TASP1: variants seen among roughly 807,000 people sequenced by gnomAD.
The protein encoded by TASP1 is taspase 1.
Under a neutral mutation model 56.6 loss-of-function variants are expected in TASP1, and 16 were observed. The observed-to-expected ratio is 0.28, with a 90% CI of 0.19 to 0.43. The LOEUF (loss-of-function observed/expected upper bound fraction) is 0.43, where lower values mean the gene tolerates loss of function less well. TASP1 is among the 20% of genes least tolerant of loss of function. The pLI is 1.00. For missense variants in TASP1, 393 were observed against 511.6 expected (o/e 0.77, Z 2.24); for synonymous variants, 179 against 184.2 (o/e 0.97, Z 0.23).
chr20:13,323,409 T>A, the TASP1 span, among the ~76,000 whole-genome samples: 2 of 152,178 alleles, frequency 1.3e-5, no homozygotes, highest in Non-Finnish European at 2.9e-5. Context: ...GAAAGACTAT[T>A]GAACCGTGGT....
At chr20:13,517,432 A>G (rs1297766961) in intron 10 of TASP1, among the ~76,000 whole-genome samples, 1 of 152,144 alleles carries the variant, frequency 6.6e-6, no homozygotes, top group Non-Finnish European at 1.5e-5. Context: ...AATACATAAA[A>G]ATGTTCATTA....
At chr20:13,561,743 A>G (rs1010979953) in intron 7 of TASP1, among the ~76,000 whole-genome samples, 3 of 152,206 alleles carry the variant, frequency 2.0e-5, no homozygotes, top group African/African-American at 7.2e-5. Flanking sequence ...GGGAAAAGAT[A>G]CAATTTTGCA....
At chr20:13,322,172 A>AC in the TASP1 span, among the ~76,000 whole-genome samples, 1 of 152,212 alleles carries the variant, frequency 6.6e-6, no homozygotes, top group African/African-American at 2.4e-5. Context: ...AAAAGCTGCA[A>AC]CCTAGCCTAG....
intron 13 of TASP1, among the ~76,000 whole-genome samples, chr20:13,403,743 G>C (rs2123668498): frequency 6.6e-6 from 1 of 152,218 alleles, no homozygotes; most frequent in African/African-American, 2.4e-5. Flanking sequence ...AAATTAGCCA[G>C]GTGAGGTGTG....
At chr20:13,610,657 C>T (rs1032500205) in intron 4 of TASP1, among the ~76,000 whole-genome samples, 1 of 152,064 alleles carries the variant, frequency 6.6e-6, no homozygotes, top group Non-Finnish European at 1.5e-5. Context: ...AGTATTATTT[C>T]TTATGCCTGC....
the TASP1 span, among the ~76,000 whole-genome samples, chr20:13,266,142 T>C: frequency 6.6e-6 from 1 of 152,132 alleles, no homozygotes; most frequent in South Asian, 2.1e-4. Flanking sequence ...TCAGATGAAG[T>C]GGATGCTGGG....
intron 10 of TASP1, among the ~76,000 whole-genome samples, chr20:13,525,309 T>G (rs2044931130): frequency 6.6e-6 from 1 of 152,168 alleles, no homozygotes; most frequent in South Asian, 2.1e-4. Context: ...CCACAGCTAG[T>G]GGGTCTGGAA....
rs529542096 is a variant in TASP1 at position 13,541,442 on chromosome 20, G to A, written c.676-7301C>T. On this transcript the variant is annotated intron_variant, in intron 8 of 13. Transcript: ENST00000337743. Reference sequence around the variant, plus strand: ...AGGAGGACTGCATTTAATAAAGTCCGTAAGGGGCATTCTACTTAACACTAC... The same window carrying A: ...AGGAGGACTGCATTTAATAAAGTCCATAAGGGGCATTCTACTTAACACTAC... Among the ~76,000 whole-genome samples the A allele has an allele frequency of 1.8e-4, 28 of 152,234 alleles. 1 individual carries two copies. In the South Asian group the frequency reaches 3.9e-3, roughly 21 times the overall value.
chr20:13,117,647 C>T, the TASP1 span: 2 of 1,614,042 alleles, frequency 1.2e-6, no homozygotes, highest in African/African-American at 2.7e-5. Flanking sequence ...TTGGACTAGA[C>T]CCTCATGAAG....
intron 11 of TASP1, among the ~76,000 whole-genome samples, chr20:13,440,399 C>T (rs2043172230): frequency 1.3e-5 from 2 of 152,046 alleles, no homozygotes; most frequent in Admixed American, 1.3e-4. Context: ...AGCTATGCAT[C>T]AAGCTGAGAG....
the TASP1 span, among the ~76,000 whole-genome samples, chr20:13,281,948 C>A: frequency 1.3e-5 from 2 of 152,122 alleles, no homozygotes; most frequent in Non-Finnish European, 2.9e-5. Context: ...CAAAGTGTGG[C>A]CCCCAGAACC....
intron 11 of TASP1, among the ~76,000 whole-genome samples, chr20:13,458,495 C>T (rs560671705): frequency 2.2e-4 from 34 of 151,770 alleles, no homozygotes; most frequent in African/African-American, 7.5e-4. Flanking sequence ...TTACAGGTGC[C>T]CCCCACCATG....
chr20:13,536,525 A>G (rs931188181), intron 8 of TASP1, among the ~76,000 whole-genome samples: 7 of 152,202 alleles, frequency 4.6e-5, no homozygotes, highest in African/African-American at 1.7e-4. Flanking sequence ...ACTGTAAAAT[A>G]ACTTTCCTCA....
At chr20:13,237,139 C>T in the TASP1 span, among the ~76,000 whole-genome samples, 2 of 152,178 alleles carry the variant, frequency 1.3e-5, no homozygotes, top group African/African-American at 2.4e-5. Context: ...GAAGTCCCTC[C>T]CACAACACAT....
At chr20:13,540,235 A>C (rs1344655866) in intron 8 of TASP1, among the ~76,000 whole-genome samples, 1 of 152,188 alleles carries the variant, frequency 6.6e-6, no homozygotes, top group Admixed American at 6.5e-5. Context: ...AACACATCTC[A>C]AGGACTTCAA....
chr20:13,629,827 G>T, intron 2 of TASP1, 107 bp downstream of exon 2: 2 of 1,516,112 alleles, frequency 1.3e-6, no homozygotes, highest in Non-Finnish European at 1.8e-6. Flanking sequence ...ATTCCTCTCT[G>T]GCAGTTTTGC....
At chr20:13,590,516 C>T (rs1409125385) in intron 4 of TASP1, among the ~76,000 whole-genome samples, 7 of 152,120 alleles carry the variant, frequency 4.6e-5, no homozygotes. Flanking sequence ...TAAACATACT[C>T]TATATGTTCA....
At chr20:13,521,621 G>A (rs372128483) in intron 10 of TASP1, among the ~76,000 whole-genome samples, 18 of 148,634 alleles carry the variant, frequency 1.2e-4, no homozygotes, top group African/African-American at 4.0e-4. Flanking sequence ...ATCACACACC[G>A]GGGCTTGTTG....
At chr20:13,477,062 T>C (rs2042973762) in intron 11 of TASP1, among the ~76,000 whole-genome samples, 1 of 152,116 alleles carries the variant, frequency 6.6e-6, no homozygotes, top group African/African-American at 2.4e-5. Context: ...ATTCATGAAA[T>C]GATGATCACA....
Sources: allele counts gnomAD v4.1 joint callset (sites outside exome capture counted in the v4.1 genomes callset), GRCh38; gene constraint gnomAD v4.1.1; transcripts MANE v1.5; gene names NCBI Gene and HGNC (gene_info 2026-07-23, HGNC 2026-07-21).